Variants in SMAP1 observed in about 807,000 individuals in gnomAD.
SMAP1 encodes stromal membrane-associated protein 1.
Under a neutral mutation model 58.5 loss-of-function variants are expected in SMAP1, and 24 were observed. The ratio of observed to expected loss-of-function variants is 0.41; its 90% CI spans 0.30 to 0.58. The LOEUF (loss-of-function observed/expected upper bound fraction) is 0.58, where lower values mean the gene tolerates loss of function less well. SMAP1 is among the 20% of genes least tolerant of loss of function. SMAP1 has a pLI of 0.29. For synonymous variants in SMAP1, 216 were observed against 196.6 expected (o/e 1.10, Z -0.82); for missense variants, 563 against 566.3 (o/e 0.99, Z 0.06).
At position 70,860,363 on chromosome 6, in the gene SMAP1, T is replaced by C; in HGVS notation, c.*29T>C. ...CTGCAATACAAGTTTCATCCAGAAC[T>C]ACCACCTGACATTCCTTGCTGAAAC... On this transcript the variant is annotated 3_prime_UTR_variant, in exon 11 of 11. Transcript: ENST00000370455. The C allele has an allele frequency of 2.5e-6, 4 of 1,588,902 alleles. No homozygotes were observed. Among genetic ancestry groups the C allele is most frequent in the Non-Finnish European group, 3.4e-6 (4 of 1,167,926 alleles).
At chr6:70,812,972 A>G (rs2149972088) in intron 6 of SMAP1, among the ~76,000 whole-genome samples, 1 of 151,914 alleles carries the variant, frequency 6.6e-6, no homozygotes, top group African/African-American at 2.4e-5. Context: ...TTTTTTTAGC[A>G]GTTTTCCCTT....
intron 1 of SMAP1, among the ~76,000 whole-genome samples, chr6:70,718,306 G>C (rs1768359652): frequency 6.6e-6 from 1 of 152,118 alleles, no homozygotes; most frequent in Non-Finnish European, 1.5e-5. Context: ...GAAAAGAGAA[G>C]ATAAAATAAT....
chr6:70,743,860 G>C (rs1765911533), intron 2 of SMAP1, among the ~76,000 whole-genome samples: 1 of 152,034 alleles, frequency 6.6e-6, no homozygotes. Flanking sequence ...GAAAGAAAGT[G>C]GTACTGTCTA....
At chr6:70,785,863 T>C (rs1308842513) in intron 4 of SMAP1, among the ~76,000 whole-genome samples, 23 of 151,632 alleles carry the variant, frequency 1.5e-4, no homozygotes, top group Non-Finnish European at 1.5e-5. Context: ...AGCCGAATTC[T>C]ACCAGAGGTA....
chr6:70,766,373 G>A (rs924729574), intron 3 of SMAP1, among the ~76,000 whole-genome samples: 1 of 152,184 alleles, frequency 6.6e-6, no homozygotes, highest in African/African-American at 2.4e-5. Flanking sequence ...CAGTGTAAAA[G>A]TGTTCCTATT....
chr6:70,724,492 G>A (rs1288496937), intron 1 of SMAP1, among the ~76,000 whole-genome samples: 1 of 152,146 alleles, frequency 6.6e-6, no homozygotes, highest in Non-Finnish European at 1.5e-5. Flanking sequence ...CACTGCACCC[G>A]GTCAAGATAG....
In SMAP1 at chr6:70,820,028, AC is replaced by A. The variant is rs1769816909; in HGVS notation, c.577-16911del. On this transcript the variant is annotated intron_variant, in intron 6 of 10. Transcript: ENST00000370455. ...TGATTTCTGCTCCAGGAAGATACTT[AC>A]CTCGGTTCTGAGCCTGACTAATCTT... Among the ~76,000 whole-genome samples the A allele has an allele frequency of 2.0e-5, 3 of 152,112 alleles. No homozygotes were observed. In the South Asian group the frequency reaches 6.2e-4, roughly 32 times the overall value.
At chr6:70,774,221 A>G (rs118170297) in intron 4 of SMAP1, among the ~76,000 whole-genome samples, 3,575 of 152,310 alleles carry the variant, frequency 0.023, 52 homozygotes, top group Non-Finnish European at 0.037. Context: ...TATGTTTCTC[A>G]GAATGTATCC....
At chr6:70,837,741 C>T (rs747648466) in intron 7 of SMAP1, 4 of 1,148,488 alleles carry the variant, frequency 3.5e-6, no homozygotes, top group East Asian at 7.9e-5. Context: ...AATACCTGAG[C>T]CTTGGCACAG....
intron 5 of SMAP1, among the ~76,000 whole-genome samples, chr6:70,796,595 T>G (rs1419214428): frequency 1.3e-5 from 2 of 152,236 alleles, no homozygotes; most frequent in Non-Finnish European, 2.9e-5. Context: ...GTAATGTTTC[T>G]AGTTATCCTT....
chr6:70,833,030 TAAG>T (rs1004684007), intron 6 of SMAP1, among the ~76,000 whole-genome samples: 1 of 152,216 alleles, frequency 6.6e-6, no homozygotes, highest in Non-Finnish European at 1.5e-5. Context: ...TAAATATAAA[TAAG>T]AAATAACTTT....
chr6:70,726,705 A>G (rs991991981), intron 1 of SMAP1, among the ~76,000 whole-genome samples: 7 of 152,180 alleles, frequency 4.6e-5, no homozygotes, highest in Admixed American at 6.5e-5. Context: ...TGAGATCTCA[A>G]TAAAATTCCT....
At chr6:70,677,171 A>G (rs944556977) in intron 1 of SMAP1, among the ~76,000 whole-genome samples, 1 of 147,944 alleles carries the variant, frequency 6.8e-6, no homozygotes, top group African/African-American at 2.5e-5. Context: ...GTCTTCATAT[A>G]TATATATAAT....
At chr6:70,772,242 G>A (rs529157462) in intron 3 of SMAP1, among the ~76,000 whole-genome samples, 2 of 152,168 alleles carry the variant, frequency 1.3e-5, no homozygotes, top group African/African-American at 2.4e-5. Flanking sequence ...ATTCTGGGAC[G>A]TGTTGTGTGG....
At chr6:70,827,515 A>G (rs1770185056) in intron 6 of SMAP1, among the ~76,000 whole-genome samples, 1 of 152,220 alleles carries the variant, frequency 6.6e-6, no homozygotes, top group Non-Finnish European at 1.5e-5. Flanking sequence ...CATAGAGAGT[A>G]TGGCTAAATG....
chr6:70,774,563 TAAAA>T (rs567838057), intron 4 of SMAP1, among the ~76,000 whole-genome samples: 1 of 152,084 alleles, frequency 6.6e-6, no homozygotes, highest in Non-Finnish European at 1.5e-5. Flanking sequence ...TCTTTGGCCA[TAAAA>T]AAATCTTGTT....
intron 2 of SMAP1, among the ~76,000 whole-genome samples, chr6:70,737,336 A>G (rs1342102252): frequency 2.0e-5 from 3 of 152,010 alleles, no homozygotes; most frequent in Admixed American, 1.3e-4. Context: ...TAGTAGAGAC[A>G]GGGTTTCGTC....
chr6:70,706,579 A>G (rs1054778209), intron 1 of SMAP1, among the ~76,000 whole-genome samples: 5 of 152,098 alleles, frequency 3.3e-5, no homozygotes, highest in African/African-American at 1.2e-4. Flanking sequence ...TTATTGGCAG[A>G]TTTTCTCTCT....
In SMAP1 at chr6:70,861,519, A is replaced by C; in HGVS notation, c.*1185A>C. The C allele has an allele frequency of 2.9e-6, 2 of 681,784 alleles. No homozygotes were observed. Among genetic ancestry groups the C allele is most frequent in the Non-Finnish European group, 5.0e-6 (2 of 396,584 alleles). 42.2% of individuals were successfully genotyped at this position (681,784 alleles called of 1,614,324 possible). ...TTATGTTAACTGACAAGCTCCATTT[A>C]AACAGATGTCCATCAGATGACAAGA... On this transcript the variant is annotated 3_prime_UTR_variant, in exon 11 of 11. Transcript: ENST00000370455.
Sources: gnomAD v4.1 joint callset for allele counts (sites outside exome capture counted in the v4.1 genomes callset) on GRCh38, gnomAD v4.1.1 for gene constraint, MANE v1.5 for transcripts, NCBI Gene and HGNC (gene_info 2026-07-23, HGNC 2026-07-21) for gene names.